Variants in NEBL observed in about 807,000 individuals in gnomAD.
The protein encoded by NEBL is nebulette, also known as LIM and SH3 protein 2.
Under a neutral mutation model 140.2 loss-of-function variants are expected in NEBL, and 122 were observed. The observed-to-expected ratio is 0.87, with a 90% CI of 0.75 to 1.01. The LOEUF is 1.01. Ranked by LOEUF, NEBL falls within the 50% of genes least tolerant of loss-of-function variation. The pLI, the probability that NEBL is intolerant of heterozygous loss-of-function variation, is 0.00. For synonymous variants in NEBL, 436 were observed against 398.9 expected (o/e 1.09, Z -1.11); for missense variants, 1,365 against 1,231.3 (o/e 1.11, Z -1.62).
chr10:20,932,276 G>A (rs965163931), intron 4 of NEBL, among the ~76,000 whole-genome samples: 6 of 152,164 alleles, frequency 3.9e-5, no homozygotes, highest in Non-Finnish European at 7.3e-5. Flanking sequence ...GCAGGGACAT[G>A]GATGAAGCTG....
intron 1 of NEBL, among the ~76,000 whole-genome samples, chr10:21,282,927 C>G (rs1843010566): frequency 1.3e-5 from 2 of 152,090 alleles, no homozygotes; most frequent in South Asian, 4.1e-4. Context: ...GAGTTCGAGA[C>G]CAGCCTGGCC....
intron 2 of NEBL, among the ~76,000 whole-genome samples, chr10:21,162,584 C>A (rs974185782): frequency 1.3e-5 from 2 of 152,198 alleles, no homozygotes; most frequent in African/African-American, 4.8e-5. Flanking sequence ...CTTCAAGGAG[C>A]AAAGCTCTTG....
Position 20,880,793 on chromosome 10 carries a change from C to T in NEBL, c.480+1G>A. 1.2e-6 allele frequency: 2 copies of T among 1,603,582 alleles called. No homozygotes were observed. The highest frequency in any genetic ancestry group is 1.7e-6 in the Non-Finnish European group (2 of 1,170,426). Reference sequence around the variant, plus strand: ...AAATCATGAGAAATGCGCTTCCTTACATTACTCTGGTGTTTATTGACCTCC... The same window carrying T: ...AAATCATGAGAAATGCGCTTCCTTATATTACTCTGGTGTTTATTGACCTCC... On this transcript the variant is annotated splice_donor_variant, in intron 5 of 27. Coordinates refer to ENST00000377122, the MANE Select transcript of NEBL (RefSeq NM_006393.3). LOFTEE classifies it high-confidence loss of function.
At chr10:20,869,882 T>C in intron 5 of NEBL, 41 bp from the exon 6 acceptor site, 1 of 1,179,478 alleles carries the variant, frequency 8.5e-7, no homozygotes, top group East Asian at 2.3e-5. Context: ...AATAAATTAG[T>C]AATTTCACAT....
intron 2 of NEBL, chr10:21,029,547 T>C: frequency 6.2e-7 from 1 of 1,605,950 alleles, no homozygotes; most frequent in Non-Finnish European, 8.5e-7. Context: ...ACGATCGTTC[T>C]TTTGGCCGTG....
rs182001361 is a variant in NEBL at position 21,139,213 on chromosome 10, C to T, written c.164+33170G>A. Among the ~76,000 whole-genome samples the T allele has an allele frequency of 7.9e-5, 12 of 152,158 alleles. No homozygotes were observed. The East Asian group carries it at 1.5e-3, about 20-fold the overall frequency. On this transcript the variant is annotated intron_variant, in intron 2 of 6. Coordinates refer to the NEBL transcript ENST00000417816. ...GGGAATCTAAGTCAAGCTCTAAAGCCTATAATTCAAAGTAACATGAAGAAA... is the reference window on the plus strand; with the variant it reads ...GGGAATCTAAGTCAAGCTCTAAAGCTTATAATTCAAAGTAACATGAAGAAA...
upstream of NEBL, among the ~76,000 whole-genome samples, chr10:21,176,125 C>T (rs1437285592): frequency 6.6e-6 from 1 of 152,090 alleles, no homozygotes; most frequent in Non-Finnish European, 1.5e-5. Flanking sequence ...GTCTCAGTCT[C>T]CTGAGTACCT....
At chr10:21,229,008 C>A (rs561427754) in intron 3 of NEBL, among the ~76,000 whole-genome samples, 1 of 152,184 alleles carries the variant, frequency 6.6e-6, no homozygotes, top group South Asian at 2.1e-4. Context: ...AGCAGAGCTC[C>A]CACCAACCCA....
intron 2 of NEBL, among the ~76,000 whole-genome samples, chr10:21,079,739 G>A (rs1836282464): frequency 6.6e-6 from 1 of 152,178 alleles, no homozygotes; most frequent in South Asian, 2.1e-4. Context: ...CCTTTGAGAT[G>A]GCCAAGGCTG....
At chr10:21,157,631 G>A (rs772689522) in intron 2 of NEBL, among the ~76,000 whole-genome samples, 9 of 152,190 alleles carry the variant, frequency 5.9e-5, no homozygotes, top group Non-Finnish European at 2.9e-5. Context: ...AGTTCACTGT[G>A]TATATATTTC....
intron 3 of NEBL, among the ~76,000 whole-genome samples, chr10:21,019,347 G>A (rs1838687131): frequency 1.3e-5 from 2 of 152,350 alleles, no homozygotes; most frequent in African/African-American, 4.8e-5. Context: ...AGATGAAGGA[G>A]GCCTACAACC....
intron 2 of NEBL, among the ~76,000 whole-genome samples, chr10:21,084,359 G>C (rs1123710): frequency 0.86 from 130,622 of 152,224 alleles, 56,345 homozygotes; most frequent in Middle Eastern, 0.92. Flanking sequence ...AGAGTCTATA[G>C]TTTGTTTCTC....
chr10:21,150,041 T>C lies in NEBL; in HGVS notation c.164+22342A>G, dbSNP rs193074854. On this transcript the variant is annotated intron_variant, in intron 2 of 6. Transcript: ENST00000417816. ...GGTTCTCTACTTAAGTTATGTTCCT[T>C]TTTTAGCATATTATTATTGACTTCT... Among the ~76,000 whole-genome samples the C allele has an allele frequency of 3.2e-3, 484 of 152,318 alleles. 4 individuals carry two copies. Among genetic ancestry groups the C allele is most frequent in the Non-Finnish European group, 3.9e-3 (265 of 68,026 alleles).
chr10:21,197,059 T>C (rs1310095178), intron 3 of NEBL, among the ~76,000 whole-genome samples: 2 of 152,252 alleles, frequency 1.3e-5, no homozygotes, highest in African/African-American at 4.8e-5. Flanking sequence ...TGAAGATACA[T>C]TGGCACAGAT....
chr10:21,240,477 T>A (rs1036820261), intron 3 of NEBL, among the ~76,000 whole-genome samples: 1 of 152,116 alleles, frequency 6.6e-6, no homozygotes, highest in Non-Finnish European at 1.5e-5. Context: ...ACCCCATCTC[T>A]ACTAAAAACA....
At chr10:20,812,137 A>C (rs549720579) in intron 24 of NEBL, among the ~76,000 whole-genome samples, 18 of 152,232 alleles carry the variant, frequency 1.2e-4, no homozygotes, top group Non-Finnish European at 1.6e-4. Context: ...GTTTTTGATA[A>C]AAGGACCTAA....
chr10:21,236,940 A>C (rs1466055213), intron 3 of NEBL, among the ~76,000 whole-genome samples: 1 of 152,174 alleles, frequency 6.6e-6, no homozygotes, highest in Non-Finnish European at 1.5e-5. Context: ...CTTTATAGAG[A>C]GAGGACCAAG....
chr10:21,052,075 A>C (rs1252522193), intron 2 of NEBL, among the ~76,000 whole-genome samples: 1 of 152,316 alleles, frequency 6.6e-6, no homozygotes, highest in South Asian at 2.1e-4. Flanking sequence ...TTTTAAAGAT[A>C]TATGATAAAA....
At chr10:21,088,189 G>C (rs1183893241) in intron 2 of NEBL, among the ~76,000 whole-genome samples, 1 of 152,170 alleles carries the variant, frequency 6.6e-6, no homozygotes, top group African/African-American at 2.4e-5. Flanking sequence ...AAGGGACACA[G>C]TGTACCACAT....
Sources: allele counts gnomAD v4.1 joint callset (sites outside exome capture counted in the v4.1 genomes callset), GRCh38; gene constraint gnomAD v4.1.1; transcripts MANE v1.5; gene names NCBI Gene and HGNC (gene_info 2026-07-23, HGNC 2026-07-21).